The following ARMH3 variants were observed in gnomAD, a reference collection of about 807,000 sequenced individuals.
The protein encoded by ARMH3 is armadillo-like helical domain-containing protein 3.
In ARMH3, 60 loss-of-function variants were observed where a neutral mutation model predicts 99.1. The ratio of observed to expected loss-of-function variants is 0.61; its 90% CI spans 0.49 to 0.75. The LOEUF is 0.75. Among genes scored for constraint, ARMH3 ranks in the 30% least tolerant of loss-of-function variants. The pLI, the probability that ARMH3 is intolerant of heterozygous loss-of-function variation, is 0.00. For missense variants in ARMH3, 679 were observed against 843.1 expected (o/e 0.81, Z 2.41); for synonymous variants, 285 against 292.8 (o/e 0.97, Z 0.27).
intron 23 of ARMH3, among the ~76,000 whole-genome samples, chr10:101,893,003 T>TG (rs1440236480): frequency 6.6e-6 from 1 of 152,140 alleles, no homozygotes; most frequent in Non-Finnish European, 1.5e-5. Context: ...TATGACCAAG[T>TG]GGGGGTCAAA....
chr10:101,967,428 C>T (rs907925451), intron 20 of ARMH3, among the ~76,000 whole-genome samples: 1 of 152,174 alleles, frequency 6.6e-6, no homozygotes, highest in African/African-American at 2.4e-5. Flanking sequence ...GAAGCCAACA[C>T]CTGCCAGTAG....
At chr10:101,955,362 C>T (rs2135800793) in intron 22 of ARMH3, among the ~76,000 whole-genome samples, 1 of 152,290 alleles carries the variant, frequency 6.6e-6, no homozygotes, top group South Asian at 2.1e-4. Flanking sequence ...AATTTTCCTA[C>T]TCTTTAAGAT....
rs770487039 is a variant in ARMH3, at chr10:102,006,613, C to T, written c.975G>A (p.Leu325=). The change falls in exon 14 of 26, where the codon TTG becomes TTA. Residue 325 remains leucine, a synonymous_variant. Coordinates refer to ENST00000370033, the MANE Select transcript of ARMH3 (RefSeq NM_024541.3). ...GAGCAGGACTGACAGGGGTCGTCACCAAGCCCATTTCTGGATGGCTCTGAA... is the reference window on the plus strand; with the variant it reads ...GAGCAGGACTGACAGGGGTCGTCACTAAGCCCATTTCTGGATGGCTCTGAA... ...VLAQSHPEMG[L]VTTPVSPAPT... is the part of the protein sequence containing the mutation. 1 of 1,613,978 alleles carries T rather than the reference C, an allele frequency of 6.2e-7. No individual in the cohort carries two copies.
chr10:101,966,260 C>CA (rs906813455), intron 20 of ARMH3, among the ~76,000 whole-genome samples: 11 of 148,232 alleles, frequency 7.4e-5, no homozygotes. Flanking sequence ...CATGCACCAC[C>CA]ACACCTGGCT....
intron 23 of ARMH3, among the ~76,000 whole-genome samples, chr10:101,910,269 CCCTTCTGTTT>C (rs1216052242): frequency 3.9e-5 from 6 of 152,226 alleles, no homozygotes; most frequent in Non-Finnish European, 8.8e-5. Context: ...ACAAGCTTTT[CCCTTCTGTTT>C]CCAACACCTA....
chr10:101,978,535 C>T (rs1220794115), intron 19 of ARMH3, among the ~76,000 whole-genome samples: 3 of 152,196 alleles, frequency 2.0e-5, no homozygotes, highest in Non-Finnish European at 2.9e-5. Flanking sequence ...CAGTGGCTCA[C>T]ATCTGTAATC....
chr10:101,856,106 G>A (rs1297940429), intron 24 of ARMH3, among the ~76,000 whole-genome samples: 2 of 152,166 alleles, frequency 1.3e-5, no homozygotes, highest in Non-Finnish European at 2.9e-5. Context: ...AGTATGATTT[G>A]TGGAGAGCTA....
intron 1 of ARMH3, among the ~76,000 whole-genome samples, chr10:102,040,411 C>T (rs964244786): frequency 3.3e-5 from 5 of 152,078 alleles, no homozygotes; most frequent in South Asian, 2.1e-4. Flanking sequence ...TTGCTGTGAA[C>T]CTAAAAACAG....
At chr10:101,891,811 TA>T (rs1375982744) in intron 23 of ARMH3, among the ~76,000 whole-genome samples, 2 of 152,054 alleles carry the variant, frequency 1.3e-5, no homozygotes, top group Non-Finnish European at 2.9e-5. Context: ...GAAAGTTTAT[TA>T]AAATGGGTAG....
chr10:101,884,363 T>A (rs1335341755), intron 24 of ARMH3, among the ~76,000 whole-genome samples: 2 of 152,044 alleles, frequency 1.3e-5, no homozygotes, highest in Non-Finnish European at 2.9e-5. Context: ...TTCTACCAGG[T>A]AGGGATGCAT....
At chr10:102,042,376 G>C (rs2067444630) in intron 1 of ARMH3, among the ~76,000 whole-genome samples, 1 of 152,186 alleles carries the variant, frequency 6.6e-6, no homozygotes, top group Non-Finnish European at 1.5e-5. Context: ...TTGGGTTACA[G>C]CTAATCAATG....
intron 25 of ARMH3, 50 bp downstream of exon 25, chr10:101,849,726 T>A (rs779678040): frequency 1.3e-6 from 2 of 1,501,816 alleles, no homozygotes. Flanking sequence ...CAGAACCCAG[T>A]GGCTGGGGGC....
At chr10:101,949,551 T>A (rs1027687567) in intron 22 of ARMH3, among the ~76,000 whole-genome samples, 1 of 152,238 alleles carries the variant, frequency 6.6e-6, no homozygotes, top group Admixed American at 6.5e-5. Context: ...TAGTCCTGTA[T>A]CTATTAAATA....
intron 19 of ARMH3, among the ~76,000 whole-genome samples, chr10:101,985,101 AC>A: frequency 7.7e-6 from 1 of 130,466 alleles, no homozygotes; most frequent in Non-Finnish European, 1.8e-5. Flanking sequence ...ACACACACAC[AC>A]ACACACACAC....
At chr10:101,889,664 ACT>A in intron 23 of ARMH3, 174 bp from the exon 24 acceptor site, 1 of 644,104 alleles carries the variant, frequency 1.6e-6, no homozygotes, top group East Asian at 2.7e-5. Flanking sequence ...TGAATTGATA[ACT>A]CTGAAGTGGG....
intron 24 of ARMH3, among the ~76,000 whole-genome samples, chr10:101,876,857 A>G (rs2067279267): frequency 6.6e-6 from 1 of 152,194 alleles, no homozygotes. Context: ...AGGATAAAAG[A>G]TAATTCTTGG....
chr10:101,886,427 T>G (rs2067544650), intron 24 of ARMH3, among the ~76,000 whole-genome samples: 1 of 151,418 alleles, frequency 6.6e-6, no homozygotes, highest in South Asian at 2.1e-4. Flanking sequence ...GGAGAATCGC[T>G]TGAACCCAGG....
chr10:101,980,375 T>G (rs1846174066), intron 19 of ARMH3, among the ~76,000 whole-genome samples: 2 of 152,144 alleles, frequency 1.3e-5, no homozygotes, highest in Non-Finnish European at 2.9e-5. Context: ...CTCGGCTCAC[T>G]GCAACCTCTG....
At chr10:101,955,569 C>A (rs1353240607) in intron 22 of ARMH3, among the ~76,000 whole-genome samples, 3 of 152,188 alleles carry the variant, frequency 2.0e-5, no homozygotes. Context: ...TTTTCCACTG[C>A]TGCTTCTATT....
Sources: allele counts gnomAD v4.1 joint callset (sites outside exome capture counted in the v4.1 genomes callset), GRCh38; gene constraint gnomAD v4.1.1; transcripts MANE v1.5; gene names NCBI Gene and HGNC (gene_info 2026-07-23, HGNC 2026-07-21).